Variants in APC2 observed in about 807,000 individuals in gnomAD.
The protein encoded by APC2 is adenomatous polyposis coli protein 2.
A neutral mutation model predicts 72.5 loss-of-function variants in APC2; 41 were observed. The observed-to-expected ratio is 0.57, with a 90% CI of 0.44 to 0.73. APC2 has a LOEUF of 0.73. Ranked by LOEUF, APC2 falls within the 30% of genes least tolerant of loss-of-function variation. APC2 has a pLI of 0.00. For missense variants in APC2, 3,729 were observed against 3,403.4 expected, an observed-to-expected ratio of 1.10 and a Z score of -2.38; for synonymous variants, 1,898 against 1,612.0, an observed-to-expected ratio of 1.18 and a Z score of -4.25.
rs773529688 is a variant in APC2 at position 1,453,132 on chromosome 19, C to T, written c.131C>T (p.Ser44Leu). Reference sequence around the variant, plus strand: ...CTGTCCAAGCTGGAGACAGAGACGTCGGGCATGAAGGTGGGGGCCTACATG... The same window carrying T: ...CTGTCCAAGCTGGAGACAGAGACGTTGGGCATGAAGGTGGGGGCCTACATG... Reference protein sequence around the residue: ...SHLSKLETETSGMKEVLKHLQ... With the variant: ...SHLSKLETETLGMKEVLKHLQ... Residue 44 changes from serine (S) to leucine (L), a missense_variant, in exon 2 of 15, where the codon TCG becomes TTG. By Grantham distance (145) the Ser-to-Leu change is moderately radical (BLOSUM62 -2). Transcript: ENST00000590469. 5 of 1,602,950 alleles carry T rather than the reference C, an allele frequency of 3.1e-6. No individual in the cohort carries two copies. The highest frequency in any genetic ancestry group is 1.3e-5 in the African/African-American group (1 of 74,856).
At position 1,456,418 on chromosome 19, in the gene APC2, T is replaced by C. The variant is rs771604904; in HGVS notation, c.816+14T>C. 3 of 1,582,660 alleles carry C rather than the reference T, an allele frequency of 1.9e-6. No homozygotes were observed. The highest frequency in any genetic ancestry group is 2.6e-6 in the Non-Finnish European group (3 of 1,166,632). On this transcript the variant is annotated intron_variant, in intron 8 of 14. Coordinates refer to ENST00000590469, the MANE Select transcript of APC2 (RefSeq NM_005883.3). ...GGCAACAGCAAGGTGAGGGGGAGGGTGAAACGGGGGCTGGCGCAGCTGTCT... is the reference window on the plus strand; with the variant it reads ...GGCAACAGCAAGGTGAGGGGGAGGGCGAAACGGGGGCTGGCGCAGCTGTCT...
chr19:1,453,388 G>A lies in APC2; in HGVS notation c.233-43G>A, dbSNP rs374078927. On this transcript the variant is annotated intron_variant, in intron 3 of 14. Transcript: ENST00000590469. Reference sequence around the variant, plus strand: ...GGAGTGGGGGAGGCTGGGGGGAAAGGCAGGCAGGGCCGCTGACCTCCGCCC... The same window carrying A: ...GGAGTGGGGGAGGCTGGGGGGAAAGACAGGCAGGGCCGCTGACCTCCGCCC... 7.3e-5 allele frequency: 117 copies of A among 1,610,408 alleles called. 1 individual carries two copies. The African/African-American group carries it at 1.4e-3, about 19-fold the overall frequency.
At position 1,467,885 on chromosome 19, in the gene APC2, G is replaced by A; in HGVS notation, c.4584G>A (p.Arg1528=). Residue 1528 remains arginine, a synonymous_variant, in exon 15 of 15, where the codon CGG becomes CGA. Transcript: ENST00000590469. ...CGGCCGCGCCCACGCCAACCCACCG[G>A]CGCACATCGGCCATCCCTCGCGCTT... ...PPAAAPTPTH[R]RTSAIPRAFT... is the part of the protein sequence containing the mutation. 1 of 1,577,752 alleles carries A rather than the reference G, an allele frequency of 6.3e-7. No homozygotes were observed. Among genetic ancestry groups the A allele is most frequent in the Non-Finnish European group, 8.5e-7 (1 of 1,170,680 alleles).
Position 1,465,800 on chromosome 19 carries a change from C to T in APC2, c.2499C>T (p.Thr833=), listed in dbSNP as rs1432502641. 1 of 1,582,382 alleles carries T rather than the reference C, an allele frequency of 6.3e-7. No individual in the cohort carries two copies. Among genetic ancestry groups the T allele is most frequent in the Non-Finnish European group, 8.6e-7 (1 of 1,166,222 alleles). ...RRGGKEAEKD[T]SGEAAVAAKA... is the part of the protein sequence containing the mutation. ...GCGGCAAGGAGGCAGAGAAGGACAC[C>T]AGTGGGGAGGCAGCCGTGGCGGCCA... Residue 833 remains threonine, a synonymous_variant, in exon 15 of 15, where the codon ACC becomes ACT. Coordinates refer to ENST00000590469, the MANE Select transcript of APC2 (RefSeq NM_005883.3).
At position 1,456,029 on chromosome 19, in the gene APC2, G is replaced by A. The variant is rs889779146; in HGVS notation, c.640-47G>A. The A allele has an allele frequency of 8.6e-6, 13 of 1,503,150 alleles. No homozygotes were observed. The African/African-American group carries it at 1.5e-4, about 18-fold the overall frequency. 93.1% of individuals were successfully genotyped at this position (1,503,150 alleles called of 1,614,324 possible). On this transcript the variant is annotated intron_variant, in intron 6 of 14. Coordinates refer to ENST00000590469, the MANE Select transcript of APC2 (RefSeq NM_005883.3). ...CCCAGGGAGAGGCGGGGTCAGAGCC[G>A]GGGGCGGGGTCAGCTCCAGCACTTG...
chr19:1,448,890 C>T (rs533609665), upstream of APC2, among the ~76,000 whole-genome samples: 345 of 152,242 alleles, frequency 2.3e-3, no homozygotes, highest in African/African-American at 7.9e-3. Context: ...GAAAAGATCC[C>T]CTGTGTCTGC....
intron 11 of APC2, among the ~76,000 whole-genome samples, 190 bp downstream of exon 11, chr19:1,460,510 A>G (rs1481786581): frequency 6.6e-6 from 1 of 152,148 alleles, no homozygotes; most frequent in Non-Finnish European, 1.5e-5. Context: ...GAACCTCCCC[A>G]CCTGGCGGTG....
At chr19:1,447,128 C>A (rs1392440910), upstream of APC2, among the ~76,000 whole-genome samples, 1 of 152,232 alleles carries the variant, frequency 6.6e-6, no homozygotes, top group African/African-American at 2.4e-5. Context: ...CGGCCTACCC[C>A]ACCCTCCCCC....
chr19:1,448,323 C>T (rs944472859), upstream of APC2, among the ~76,000 whole-genome samples: 3 of 151,848 alleles, frequency 2.0e-5, no homozygotes, highest in East Asian at 3.9e-4. Flanking sequence ...TCGAGGCGGG[C>T]GGATCATGAG....
At position 1,469,118 on chromosome 19, in the gene APC2, T is replaced by C. The variant is rs1309786517; in HGVS notation, c.5817T>C (p.Arg1939=). The change falls in exon 15 of 15, where the codon CGT becomes CGC. Residue 1939 remains arginine (R), a synonymous_variant. Coordinates refer to ENST00000590469, the MANE Select transcript of APC2 (RefSeq NM_005883.3). The part of the protein sequence containing the change: ...RIPFMQRPAR[R]GPPPLARAVP... ...CGTTCATGCAGAGGCCGGCCCGGCG[T>C]GGGCCGCCACCGCTGGCTCGGGCAG... 1 of 1,362,680 alleles carries C rather than the reference T, an allele frequency of 7.3e-7. No individual in the cohort carries two copies. The highest frequency in any genetic ancestry group is 3.2e-5 in the Admixed American group (1 of 31,058). 84.4% of individuals were successfully genotyped at this position (1,362,680 alleles called of 1,614,324 possible). A position where few individuals can be genotyped will look rare whatever the true frequency, so the allele number is the denominator to read the frequency against.
At chr19:1,461,536 G>A (rs1599146575) in intron 13 of APC2, 1 of 344,720 alleles carries the variant, frequency 2.9e-6, no homozygotes, top group East Asian at 6.8e-5. Context: ...CTGGGCCACA[G>A]AGCAAGACTG....
At chr19:1,464,190 T>TC (rs1364078284) in intron 14 of APC2, among the ~76,000 whole-genome samples, 2 of 152,032 alleles carry the variant, frequency 1.3e-5, no homozygotes, top group African/African-American at 4.8e-5. Context: ...GTGCCTGTAA[T>TC]CCCACCTACT....
intron 10 of APC2, 78 bp downstream of exon 10, chr19:1,458,138 C>CA: frequency 2.3e-6 from 3 of 1,323,656 alleles, no homozygotes; most frequent in Non-Finnish European, 3.2e-6. Context: ...TAAAGGGACA[C>CA]AGGCTGGGTC....
At position 1,467,138 on chromosome 19, in the gene APC2, C is replaced by T. The variant is rs774181985; in HGVS notation, c.3837C>T (p.Ser1279=). Residue 1279 remains serine, a synonymous_variant, in exon 15 of 15, where the codon AGC becomes AGT. Coordinates refer to ENST00000590469, the MANE Select transcript of APC2 (RefSeq NM_005883.3). ...DENFSCASSL[S]ALALHEHYVQ... ...ACTTCTCGTGCGCCTCCAGCCTCAG[C>T]GCGCTGGCCTTGCACGAGCACTACG... The T allele has an allele frequency of 3.2e-6, 5 of 1,579,838 alleles. No individual in the cohort carries two copies. The Admixed American group carries it at 5.1e-5, about 16-fold the overall frequency.
intron 5 of APC2, 22 bp downstream of exon 5, chr19:1,455,279 G>GGTGC: frequency 6.4e-7 from 1 of 1,565,398 alleles, no homozygotes; most frequent in Non-Finnish European, 8.6e-7. Flanking sequence ...GGGGAGCCAG[G>GGTGC]GGGCAGCGCG....
In APC2 at chr19:1,465,940, GACAGGAGGCGCC is replaced by G. The variant is rs1192861731; in HGVS notation, c.2642_2653del (p.Gln881_Pro884del). The G allele has an allele frequency of 3.2e-6, 5 of 1,581,890 alleles. No individual in the cohort carries two copies. The highest frequency in any genetic ancestry group is 4.3e-6 in the Non-Finnish European group (5 of 1,169,528). ...TTCAGCCTCAGCTCTGGAGACCCGG[GACAGGAGGCGCC>G]ACGGGAGGGCCGCGCCCAGTCCTGC... On this transcript the variant is annotated inframe_deletion, in exon 15 of 15. Coordinates refer to ENST00000590469, the MANE Select transcript of APC2 (RefSeq NM_005883.3).
At chr19:1,450,912 C>T (rs2083734918) in intron 1 of APC2, among the ~76,000 whole-genome samples, 2 of 152,226 alleles carry the variant, frequency 1.3e-5, no homozygotes, top group African/African-American at 4.8e-5. Context: ...AGGGCAACTG[C>T]ACGTGCAAAG....
chr19:1,469,605 C>T lies in APC2; in HGVS notation c.6304C>T (p.Leu2102=). The change falls in exon 15 of 15, where the codon CTG becomes TTG. Residue 2102 remains leucine, a synonymous_variant. Coordinates refer to ENST00000590469, the MANE Select transcript of APC2 (RefSeq NM_005883.3). ...GGAGACTGTCAAGCGCTACGCGTCGCTGCCGCACATCAGCGTGGCCCGCAG... is the reference window on the plus strand; with the variant it reads ...GGAGACTGTCAAGCGCTACGCGTCGTTGCCGCACATCAGCGTGGCCCGCAG... ...RPETVKRYAS[L]PHISVARRPD... 5 of 1,260,532 alleles carry T rather than the reference C, an allele frequency of 4.0e-6. No homozygotes were observed. Among genetic ancestry groups the T allele is most frequent in the Non-Finnish European group, 4.0e-6 (4 of 993,614 alleles). 78.1% of individuals were successfully genotyped at this position (1,260,532 alleles called of 1,614,324 possible).
At position 1,455,245 on chromosome 19, in the gene APC2, G is replaced by A. The variant is rs1599134887; in HGVS notation, c.510G>A (p.Pro170=). 4.4e-6 allele frequency: 7 copies of A among 1,575,200 alleles called. No homozygotes were observed. Among genetic ancestry groups the A allele is most frequent in the African/African-American group, 1.4e-5 (1 of 72,168 alleles). Residue 170 remains proline, a synonymous_variant, in exon 5 of 15, where the codon CCG becomes CCA. Coordinates refer to ENST00000590469, the MANE Select transcript of APC2 (RefSeq NM_005883.3). ...QGLSKRLDEL[P]HVETQFSMQM... ...TGTCCAAGCGCCTGGACGAGCTGCCGCACGTGGAGACGGTGAGCCGGCCGG... is the reference window on the plus strand; with the variant it reads ...TGTCCAAGCGCCTGGACGAGCTGCCACACGTGGAGACGGTGAGCCGGCCGG...
Sources: gnomAD v4.1 joint callset for allele counts (sites outside exome capture counted in the v4.1 genomes callset) on GRCh38, gnomAD v4.1.1 for gene constraint, MANE v1.5 for transcripts, NCBI Gene and HGNC (gene_info 2026-07-23, HGNC 2026-07-21) for gene names.